Variants in NFATC1 observed in about 807,000 individuals in gnomAD.
The protein encoded by NFATC1 is nuclear factor of activated T cells 1.
A neutral mutation model predicts 76.0 loss-of-function variants in NFATC1; 22 were observed. That is an observed-to-expected ratio of 0.29 (90% CI 0.21 to 0.41). The LOEUF (loss-of-function observed/expected upper bound fraction) is 0.41, where lower values mean the gene tolerates loss of function less well. Among genes scored for constraint, NFATC1 ranks in the 10% least tolerant of loss-of-function variants. The pLI is 1.00. For synonymous variants in NFATC1, 704 were observed against 613.1 expected (o/e 1.15, Z -2.19); for missense variants, 1,357 against 1,337.7 (o/e 1.01, Z -0.23).
In NFATC1 at chr18:79,448,987, A is replaced by G; in HGVS notation, c.1589+3A>G. 1 of 1,612,848 alleles carries G rather than the reference A, an allele frequency of 6.2e-7. No homozygotes were observed. The highest frequency in any genetic ancestry group is 8.5e-7 in the Non-Finnish European group (1 of 1,179,888). Reference sequence around the variant, plus strand: ...CCGGAGAACAGCATGCGAGCCGTGTAAGCCGCGGGGGACCTCCGGCCTCTG... The same window carrying G: ...CCGGAGAACAGCATGCGAGCCGTGTGAGCCGCGGGGGACCTCCGGCCTCTG... On this transcript the variant is annotated splice_donor_region_variant and intron_variant, in intron 4 of 9. Transcript: ENST00000427363.
chr18:79,425,553 C>A (rs1030427497), intron 2 of NFATC1, among the ~76,000 whole-genome samples: 2 of 152,232 alleles, frequency 1.3e-5, no homozygotes, highest in African/African-American at 4.8e-5. Context: ...CTTTAACCCT[C>A]GGAAAATCAG....
At position 79,395,984 on chromosome 18, in the gene NFATC1, A is replaced by T. The variant is rs2084990835; in HGVS notation, c.-241A>T. The stretch of plus-strand genomic sequence containing the variant: ...CTCGCCGGCGGAGTCGCCGCGCCAG[A>T]TCCCAGCAGCAGGGCGCGGGCACCG... On this transcript the variant is annotated 5_prime_UTR_variant, in exon 1 of 10. Transcript: ENST00000427363. 4.2e-6 allele frequency: 1 copy of T among 237,296 alleles called. No homozygotes were observed. 14.7% of individuals were successfully genotyped at this position (237,296 alleles called of 1,614,324 possible). A position where few individuals can be genotyped will look rare whatever the true frequency, so the allele number is the denominator to read the frequency against.
intron 6 of NFATC1, among the ~76,000 whole-genome samples, chr18:79,455,389 CCTT>C (rs33962183): frequency 0.2 from 29,844 of 152,030 alleles, 3,290 homozygotes; most frequent in East Asian, 0.36. Context: ...GCCGGCGTCT[CCTT>C]CTCCAGGTAA....
chr18:79,501,808 A>C (rs1023897186), intron 9 of NFATC1, among the ~76,000 whole-genome samples: 3 of 152,202 alleles, frequency 2.0e-5, no homozygotes, highest in Admixed American at 6.5e-5. Context: ...ACTTTAAAGA[A>C]GTTAAGGACT....
intron 9 of NFATC1, among the ~76,000 whole-genome samples, chr18:79,526,048 G>A (rs1022100022): frequency 1.3e-5 from 2 of 152,224 alleles, no homozygotes; most frequent in Non-Finnish European, 2.9e-5. Flanking sequence ...CATTTGGGTG[G>A]GGACGTGCGA....
intron 9 of NFATC1, among the ~76,000 whole-genome samples, chr18:79,517,967 G>C (rs1355560311): frequency 6.6e-6 from 1 of 152,212 alleles, no homozygotes; most frequent in Admixed American, 6.5e-5. Flanking sequence ...TTGGGTTAGC[G>C]TGGCTGAACC....
Position 79,486,424 on chromosome 18 carries a change from C to T in NFATC1, c.2269C>T (p.Leu757=), listed in dbSNP as rs916427840. 6.2e-7 allele frequency: 1 copy of T among 1,612,390 alleles called. No individual in the cohort carries two copies. Among genetic ancestry groups the T allele is most frequent in the Non-Finnish European group, 8.5e-7 (1 of 1,179,904 alleles). Residue 757 remains leucine (L), a synonymous_variant, in exon 9 of 10, where the codon CTG becomes TTG. Transcript: ENST00000427363. ...CCCGCCCTGTCCGCAGAGAAGCACC[C>T]TGATGCCAGCGGCCCCTGGCGTGAG... ...GFPPCPQRST[L]MPAAPGVSPK... is the part of the protein sequence containing the mutation.
At chr18:79,507,372 C>A (rs907622669) in intron 9 of NFATC1, among the ~76,000 whole-genome samples, 1 of 152,258 alleles carries the variant, frequency 6.6e-6, no homozygotes, top group African/African-American at 2.4e-5. Context: ...CCGGTGGAGC[C>A]ATGCGAGCGG....
chr18:79,406,451 C>T (rs941914706), intron 1 of NFATC1, among the ~76,000 whole-genome samples: 3 of 152,056 alleles, frequency 2.0e-5, no homozygotes, highest in African/African-American at 7.2e-5. Context: ...ATCCACGCTG[C>T]CATCGTGTTC....
At position 79,510,273 on chromosome 18, in the gene NFATC1, C is replaced by T. The variant is rs368585062; in HGVS notation, c.2783-17255C>T. Reference sequence around the variant, plus strand: ...AAACTCAGGGATGGGACGGATTCCACTTTCAAAAGATGACATAGAATGAGT... The same window carrying T: ...AAACTCAGGGATGGGACGGATTCCATTTTCAAAAGATGACATAGAATGAGT... On this transcript the variant is annotated intron_variant, in intron 9 of 9. Coordinates refer to ENST00000427363, the MANE Select transcript of NFATC1 (RefSeq NM_001278669.2). Among the ~76,000 whole-genome samples the T allele has an allele frequency of 2.6e-5, 4 of 152,180 alleles. No individual in the cohort carries two copies. The South Asian group carries it at 8.3e-4, about 32-fold the overall frequency.
At chr18:79,509,164 G>A (rs1373737038) in intron 9 of NFATC1, among the ~76,000 whole-genome samples, 1 of 152,222 alleles carries the variant, frequency 6.6e-6, no homozygotes, top group Admixed American at 6.5e-5. Context: ...GGGACGTGCT[G>A]GCCCCTGTGC....
intron 9 of NFATC1, among the ~76,000 whole-genome samples, chr18:79,526,787 C>T (rs1287163848): frequency 6.6e-6 from 1 of 152,226 alleles, no homozygotes; most frequent in Non-Finnish European, 1.5e-5. Flanking sequence ...CGCCCTGAGA[C>T]AGGCCGGGGC....
chr18:79,451,006 A>G lies in NFATC1; in HGVS notation c.1642A>G (p.Lys548Glu), dbSNP rs1175539728. ...KLRNSDIELR[K>E]GETDIGRKNT... ...CAGAAACTCCGACATTGAACTTCGG[A>G]AAGGAGAGACGGACATCGGGAGGAA... Residue 548 changes from lysine (K) to glutamate (E), a missense_variant, in exon 5 of 10, where the codon AAA (lysine) becomes GAA (glutamate). Physicochemically the swap from Lys to Glu is moderately conservative, Grantham distance 56. Coordinates refer to ENST00000427363, the MANE Select transcript of NFATC1 (RefSeq NM_001278669.2). 1.2e-6 allele frequency: 2 copies of G among 1,613,876 alleles called. No individual in the cohort carries two copies. The highest frequency in any genetic ancestry group is 3.3e-5 in the Admixed American group (2 of 60,030).
At chr18:79,526,431 T>C (rs1022221945) in intron 9 of NFATC1, among the ~76,000 whole-genome samples, 4 of 152,218 alleles carry the variant, frequency 2.6e-5, no homozygotes, top group African/African-American at 9.6e-5. Flanking sequence ...CGTGCCTGTG[T>C]CTTTACAGAG....
chr18:79,411,574 A>T, intron 2 of NFATC1, 73 bp downstream of exon 2: 1 of 1,074,676 alleles, frequency 9.3e-7, no homozygotes, highest in Non-Finnish European at 1.2e-6. Flanking sequence ...GGGGAGCGGG[A>T]CGGGGGGCGG....
chr18:79,453,892 C>T (rs561661556), intron 6 of NFATC1, among the ~76,000 whole-genome samples: 1 of 152,380 alleles, frequency 6.6e-6, no homozygotes, highest in South Asian at 2.1e-4. Context: ...CCACTTCCGG[C>T]TTCTCAGGCG....
chr18:79,516,109 AG>A, intron 9 of NFATC1: 1 of 152,084 alleles, frequency 6.6e-6, no homozygotes, highest in Non-Finnish European at 1.5e-5. Context: ...TGCAACATTC[AG>A]GCTAAATAAG....
At chr18:79,497,043 A>C (rs1003660168) in intron 9 of NFATC1, 6 of 152,256 alleles carry the variant, frequency 3.9e-5, no homozygotes, top group African/African-American at 1.4e-4. Context: ...ATGAGCAAAG[A>C]TTTCCGCTCA....
chr18:79,464,699 T>TATATATATATATA (rs1568994752), intron 7 of NFATC1, among the ~76,000 whole-genome samples: 2 of 83,810 alleles, frequency 2.4e-5, no homozygotes, highest in Non-Finnish European at 4.7e-5. Context: ...TATATATTTA[T>TATATATATATATA]TTATTTATTT....
Sources: gnomAD v4.1 joint callset for allele counts (sites outside exome capture counted in the v4.1 genomes callset) on GRCh38, gnomAD v4.1.1 for gene constraint, MANE v1.5 for transcripts, NCBI Gene and HGNC (gene_info 2026-07-23, HGNC 2026-07-21) for gene names.